AK8: variants seen among roughly 807,000 people sequenced by gnomAD.
The protein encoded by AK8 is ATP-AMP transphosphorylase 8.
A neutral mutation model predicts 54.6 loss-of-function variants in AK8; 44 were observed. That is an observed-to-expected ratio of 0.81 (90% CI 0.63 to 1.04). The LOEUF (loss-of-function observed/expected upper bound fraction) is 1.04, where lower values mean the gene tolerates loss of function less well. Among genes scored for constraint, AK8 ranks in the 50% least tolerant of loss-of-function variants. AK8 has a pLI of 0.00. For missense variants in AK8, 555 were observed against 613.6 expected, an observed-to-expected ratio of 0.90 and a Z score of 1.01; for synonymous variants, 239 against 245.6, an observed-to-expected ratio of 0.97 and a Z score of 0.25.
At chr9:132,865,544 G>T (rs1008427546) in intron 3 of AK8, among the ~76,000 whole-genome samples, 1 of 152,178 alleles carries the variant, frequency 6.6e-6, no homozygotes, top group Non-Finnish European at 1.5e-5. Context: ...ACCTTAGGCC[G>T]GGCACGGTGG....
At chr9:132,764,514 T>C (rs1308633672) in intron 11 of AK8, among the ~76,000 whole-genome samples, 1 of 151,970 alleles carries the variant, frequency 6.6e-6, no homozygotes, top group Non-Finnish European at 1.5e-5. Flanking sequence ...ATACAAAGGC[T>C]CATTAGAGAC....
intron 11 of AK8, among the ~76,000 whole-genome samples, chr9:132,737,977 G>T (rs1296549969): frequency 6.6e-6 from 1 of 152,182 alleles, no homozygotes; most frequent in Non-Finnish European, 1.5e-5. Flanking sequence ...GGACAGCCTT[G>T]TGGGCGCTGA....
intron 11 of AK8, among the ~76,000 whole-genome samples, chr9:132,733,240 A>G (rs1836938045): frequency 6.6e-6 from 1 of 150,826 alleles, no homozygotes; most frequent in African/African-American, 2.4e-5. Context: ...AAAACATGCG[A>G]GATCGGGGAG....
rs1840359441 is a variant in AK8 at position 132,799,843 on chromosome 9, A to C, written c.980-7068T>G. Among the ~76,000 whole-genome samples, 1 of 152,126 alleles carries C rather than the reference A, an allele frequency of 6.6e-6. No individual in the cohort carries two copies. The highest frequency in any genetic ancestry group is 6.5e-5 in the Admixed American group (1 of 15,280). ...CAAGCCCTCCTTGAAATTGATGTCA[A>C]GATGAGCATCAGTGTTCATGGGGGA... On this transcript the variant is annotated intron_variant, in intron 10 of 12. Transcript: ENST00000298545. This position sits in a 1 kb window ranked among gnomAD's most constrained non-coding sequence, Gnocchi z 5.0.
intron 5 of AK8, among the ~76,000 whole-genome samples, chr9:132,852,101 T>C (rs1842990220): frequency 6.6e-6 from 1 of 151,790 alleles, no homozygotes; most frequent in African/African-American, 2.4e-5. Flanking sequence ...AGCTCAATAG[T>C]GGAATAAAAA....
At chr9:132,789,281 G>A (rs1301734971) in intron 11 of AK8, among the ~76,000 whole-genome samples, 2 of 151,008 alleles carry the variant, frequency 1.3e-5, no homozygotes, top group East Asian at 2.0e-4. Flanking sequence ...GAGACAGAGC[G>A]AGACTCTGTC....
intron 11 of AK8, among the ~76,000 whole-genome samples, chr9:132,749,676 A>G (rs1458695424): frequency 1.3e-5 from 2 of 150,052 alleles, no homozygotes; most frequent in Middle Eastern, 3.3e-3. Context: ...AAATGCAGGA[A>G]GTCTCTTAAG....
intron 11 of AK8, among the ~76,000 whole-genome samples, chr9:132,764,863 G>A (rs1443217205): frequency 1.3e-5 from 2 of 152,006 alleles, no homozygotes; most frequent in Non-Finnish European, 2.9e-5. Context: ...ATTCTATGAG[G>A]CCAGCATTAC....
chr9:132,788,209 G>A (rs2131152502), intron 11 of AK8, among the ~76,000 whole-genome samples: 1 of 151,980 alleles, frequency 6.6e-6, no homozygotes. Flanking sequence ...GAAAGGAAAG[G>A]AAAAACAAAA....
At chr9:132,759,656 A>C (rs1838359756) in intron 11 of AK8, among the ~76,000 whole-genome samples, 1 of 152,142 alleles carries the variant, frequency 6.6e-6, no homozygotes, top group Non-Finnish European at 1.5e-5. Flanking sequence ...TTTTTCCCAC[A>C]TGGGTACCCA....
intron 11 of AK8, among the ~76,000 whole-genome samples, chr9:132,768,522 C>G (rs916124733): frequency 3.3e-5 from 5 of 152,222 alleles, no homozygotes; most frequent in African/African-American, 9.7e-5. Context: ...CCACCTCAGC[C>G]TCCCCAAGTG....
intron 12 of AK8, among the ~76,000 whole-genome samples, chr9:132,726,314 CCTTT>C (rs1836570302): frequency 7.3e-6 from 1 of 137,282 alleles, no homozygotes; most frequent in Non-Finnish European, 1.6e-5. Context: ...TCTTCTTCTT[CCTTT>C]TTCTTTTCTT....
At chr9:132,774,335 A>C (rs1282681442) in intron 11 of AK8, among the ~76,000 whole-genome samples, 1 of 152,164 alleles carries the variant, frequency 6.6e-6, no homozygotes. Context: ...GAGTCTTACA[A>C]TCTCATAAAA....
chr9:132,827,750 G>T (rs1020160408), intron 7 of AK8: 12 of 466,402 alleles, frequency 2.6e-5, no homozygotes, highest in African/African-American at 2.4e-4. Context: ...AAGCCCAGGT[G>T]CCTGGCATGA....
At chr9:132,812,421 T>C (rs890987704) in intron 10 of AK8, among the ~76,000 whole-genome samples, 6 of 103,040 alleles carry the variant, frequency 5.8e-5, no homozygotes, top group African/African-American at 2.1e-4. Flanking sequence ...GTATTTTTAG[T>C]AGAGATGGGG....
chr9:132,872,428 A>C (rs1843887059), intron 2 of AK8, among the ~76,000 whole-genome samples: 1 of 152,210 alleles, frequency 6.6e-6, no homozygotes, highest in African/African-American at 2.4e-5. Flanking sequence ...GTGCAACCTA[A>C]TTTATGAGAG....
At chr9:132,847,171 A>G (rs1383264376) in intron 5 of AK8, among the ~76,000 whole-genome samples, 2 of 152,196 alleles carry the variant, frequency 1.3e-5, no homozygotes, top group Non-Finnish European at 2.9e-5. Flanking sequence ...CGGCCCAGAC[A>G]CAGCAGTTCC....
intron 10 of AK8, among the ~76,000 whole-genome samples, chr9:132,795,450 A>C (rs1840122936): frequency 6.6e-6 from 1 of 152,204 alleles, no homozygotes; most frequent in African/African-American, 2.4e-5. Context: ...TGATCCAGAG[A>C]CCTTGTGTTT....
At chr9:132,875,089 G>A (rs754140459) in intron 2 of AK8, 26 bp downstream of exon 2, 4 of 1,613,428 alleles carry the variant, frequency 2.5e-6, no homozygotes, top group African/African-American at 2.7e-5. Flanking sequence ...AAGACGAGGA[G>A]GGGAAGAGCC....
Sources: gnomAD v4.1 joint callset for allele counts (sites outside exome capture counted in the v4.1 genomes callset) on GRCh38, gnomAD v4.1.1 for gene constraint, Gnocchi (gnomAD v3.1) non-coding constraint, MANE v1.5 for transcripts, NCBI Gene and HGNC (gene_info 2026-07-23, HGNC 2026-07-21) for gene names.